ROCK2: variants seen among roughly 807,000 people sequenced by gnomAD.
ROCK2 encodes Rho associated coiled-coil containing protein kinase 2.
In ROCK2, 61 loss-of-function variants were observed where a neutral mutation model predicts 195.1. The ratio of observed to expected loss-of-function variants is 0.31; its 90% CI spans 0.25 to 0.39. The LOEUF (loss-of-function observed/expected upper bound fraction) is 0.39, where lower values mean the gene tolerates loss of function less well. ROCK2 is among the 10% of genes least tolerant of loss of function. The pLI, the probability that ROCK2 is intolerant of heterozygous loss-of-function variation, is 1.00. For synonymous variants in ROCK2, 504 were observed against 545.5 expected, an observed-to-expected ratio of 0.92 and a Z score of 1.06; for missense variants, 1,109 against 1,637.4, an observed-to-expected ratio of 0.68 and a Z score of 5.57.
At chr2:11,258,022 T>C (rs1229403717) in intron 3 of ROCK2, among the ~76,000 whole-genome samples, 1 of 151,402 alleles carries the variant, frequency 6.6e-6, no homozygotes, top group Non-Finnish European at 1.5e-5. Flanking sequence ...GTCACTTCAG[T>C]TATATTTTTA....
In ROCK2 at chr2:11,201,539, C is replaced by A. The variant is rs1663851775; in HGVS notation, c.2620-126G>T. The A allele has an allele frequency of 3.2e-6, 2 of 621,736 alleles. No homozygotes were observed. Among genetic ancestry groups the A allele is most frequent in the Non-Finnish European group, 5.7e-6 (2 of 351,030 alleles). 38.5% of individuals were successfully genotyped at this position (621,736 alleles called of 1,614,324 possible). On this transcript the variant is annotated intron_variant, in intron 21 of 32. Coordinates refer to ENST00000315872, the MANE Select transcript of ROCK2 (RefSeq NM_004850.5). The surrounding 1 kb of genome is among the most constrained non-coding windows in gnomAD (Gnocchi z 4.6). Reference sequence around the variant, plus strand: ...ATTTTCTTACTGCTAAGTCCCCGAGCAAATGAATAGTTTAATGAACTTTCC... The same window carrying A: ...ATTTTCTTACTGCTAAGTCCCCGAGAAAATGAATAGTTTAATGAACTTTCC...
At chr2:11,295,456 A>G (rs926117171) in intron 1 of ROCK2, among the ~76,000 whole-genome samples, 46 of 152,238 alleles carry the variant, frequency 3.0e-4, no homozygotes, top group African/African-American at 1.1e-3. Flanking sequence ...GATATAACAC[A>G]TACATGCAAG....
chr2:11,180,177 G>A lies in ROCK2; in HGVS notation c.*3260C>T, dbSNP rs997856991. On this transcript the variant is annotated 3_prime_UTR_variant, in exon 33 of 33. Coordinates refer to ENST00000315872, the MANE Select transcript of ROCK2 (RefSeq NM_004850.5). ...CTTGCTCAAATCAGATTTTAGACACGATTTAAAGCATGTTTCAGTAAGGTT... is the reference window on the plus strand; with the variant it reads ...CTTGCTCAAATCAGATTTTAGACACAATTTAAAGCATGTTTCAGTAAGGTT... 41 of 152,234 alleles carry A rather than the reference G, an allele frequency of 2.7e-4. No individual in the cohort carries two copies. Among genetic ancestry groups the A allele is most frequent in the African/African-American group, 9.6e-4 (40 of 41,528 alleles). 9.4% of individuals were successfully genotyped at this position (152,234 alleles called of 1,614,324 possible).
chr2:11,191,724 T>C (rs1170867399), intron 32 of ROCK2, among the ~76,000 whole-genome samples: 1 of 152,218 alleles, frequency 6.6e-6, no homozygotes, highest in Non-Finnish European at 1.5e-5. Context: ...TTGGAAAGTA[T>C]GACTTTAAGC....
rs1664104589 is a variant in ROCK2 at position 11,207,772 on chromosome 2, T to C, written c.2503A>G (p.Met835Val). The change falls in exon 20 of 33, where the codon ATG (methionine) becomes GTG (valine). Residue 835 changes from methionine to valine, a missense_variant. Physicochemically the swap from Met to Val is conservative, Grantham distance 21 (BLOSUM62 1). Around this residue, in one of 6 missense-constraint regions of ROCK2, gnomAD observed 542 missense variants for 672.0 expected, o/e 0.81. Transcript: ENST00000315872. Reference protein sequence around the residue: ...KQLKQENNHLMEMKMNLEKQN... With the variant: ...KQLKQENNHLVEMKMNLEKQN... Reference sequence around the variant, plus strand: ...TTTTCCAAGTTCATTTTCATTTCCATGAGATGGTTATTTTCTTGCTTTAAC... The same window carrying C: ...TTTTCCAAGTTCATTTTCATTTCCACGAGATGGTTATTTTCTTGCTTTAAC... The C allele has an allele frequency of 3.1e-6, 5 of 1,602,504 alleles. No homozygotes were observed. The highest frequency in any genetic ancestry group is 4.5e-5 in the East Asian group (2 of 44,664).
chr2:11,324,623 A>G (rs1458282182), intron 1 of ROCK2, among the ~76,000 whole-genome samples: 1 of 152,238 alleles, frequency 6.6e-6, no homozygotes, highest in Non-Finnish European at 1.5e-5. Flanking sequence ...TCAAGCCATG[A>G]AAAGATATGG....
chr2:11,244,169 T>A (rs1267219656), intron 4 of ROCK2, among the ~76,000 whole-genome samples: 1 of 152,240 alleles, frequency 6.6e-6, no homozygotes, highest in African/African-American at 2.4e-5. Flanking sequence ...CCTGTATTTT[T>A]AAAATTGTAT....
intron 3 of ROCK2, among the ~76,000 whole-genome samples, chr2:11,276,269 T>C (rs994371420): frequency 1.2e-4 from 18 of 152,238 alleles, no homozygotes; most frequent in African/African-American, 4.1e-4. Flanking sequence ...TATGATCTTT[T>C]ATGTAGACAA....
At chr2:11,326,481 G>A (rs1001395222) in intron 1 of ROCK2, among the ~76,000 whole-genome samples, 2 of 152,212 alleles carry the variant, frequency 1.3e-5, no homozygotes, top group South Asian at 2.1e-4. Flanking sequence ...GAAGTGAACA[G>A]AACATGAGAC....
chr2:11,302,322 G>T (rs1345203901), intron 1 of ROCK2, among the ~76,000 whole-genome samples: 17 of 149,910 alleles, frequency 1.1e-4, no homozygotes, highest in African/African-American at 3.7e-4. Flanking sequence ...TTTTGTTGTT[G>T]TTTTTTTTTT....
chr2:11,231,877 A>C (rs751782990), intron 5 of ROCK2, among the ~76,000 whole-genome samples: 23 of 152,144 alleles, frequency 1.5e-4, no homozygotes, highest in African/African-American at 2.7e-4. Flanking sequence ...TTTTATAGGA[A>C]GTCAGGATGG....
rs117736301 is a variant in ROCK2, at chr2:11,279,040, C to T, written c.324+7499G>A. ...CAAAAAAAAAAGTATAAACAATCTG[C>T]TAAGAAAGGAGAGAAAATGAAATCA... On this transcript the variant is annotated intron_variant, in intron 3 of 32. Transcript: ENST00000315872. Among the ~76,000 whole-genome samples, 370 of 150,130 alleles carry T rather than the reference C, an allele frequency of 2.5e-3. 7 individuals are homozygous for T. The East Asian group carries it at 0.041, about 17-fold the overall frequency.
At chr2:11,191,869 A>G (rs576671218) in intron 32 of ROCK2, among the ~76,000 whole-genome samples, 14 of 152,318 alleles carry the variant, frequency 9.2e-5, no homozygotes, top group African/African-American at 3.4e-4. Context: ...GGACAATGTT[A>G]AGTGAGGATT....
chr2:11,270,048 C>T (rs1666571093), intron 3 of ROCK2, among the ~76,000 whole-genome samples: 1 of 151,924 alleles, frequency 6.6e-6, no homozygotes, highest in African/African-American at 2.4e-5. Flanking sequence ...GCTACTGCAC[C>T]CAGCCACCCC....
intron 3 of ROCK2, among the ~76,000 whole-genome samples, chr2:11,265,931 C>CAA (rs11286415): frequency 6.8e-6 from 1 of 146,194 alleles, no homozygotes; most frequent in Non-Finnish European, 1.5e-5. Flanking sequence ...CTTGTTTCTA[C>CAA]AAAAAAAAAA....
intron 6 of ROCK2, among the ~76,000 whole-genome samples, chr2:11,224,905 T>A (rs544055768): frequency 6.6e-6 from 1 of 152,202 alleles, no homozygotes; most frequent in African/African-American, 2.4e-5. Context: ...AATTTAAAGT[T>A]AAAATGAATT....
chr2:11,269,474 G>A (rs1323815251), intron 3 of ROCK2, among the ~76,000 whole-genome samples: 1 of 150,544 alleles, frequency 6.6e-6, no homozygotes, highest in Non-Finnish European at 1.5e-5. Flanking sequence ...CTGCACGACT[G>A]CACTGCAGCG....
chr2:11,303,765 G>A (rs909234810), intron 1 of ROCK2, among the ~76,000 whole-genome samples: 4 of 151,698 alleles, frequency 2.6e-5, no homozygotes, highest in African/African-American at 7.3e-5. Flanking sequence ...GATCTCCCCC[G>A]ACTAACAGCC....
At chr2:11,211,629 A>C in intron 18 of ROCK2, 52 bp downstream of exon 18, 1 of 1,483,912 alleles carries the variant, frequency 6.7e-7, no homozygotes, top group Non-Finnish European at 9.0e-7. Flanking sequence ...GCTAACACAG[A>C]ATCAATTCTT....
Sources: gnomAD v4.1 joint callset for allele counts (sites outside exome capture counted in the v4.1 genomes callset) on GRCh38, gnomAD v4.1.1 for gene constraint, gnomAD v4.1.1 regional missense constraint, Gnocchi (gnomAD v3.1) non-coding constraint, MANE v1.5 for transcripts, NCBI Gene and HGNC (gene_info 2026-07-23, HGNC 2026-07-21) for gene names.